The following TRAPPC3L variants were observed in gnomAD, a reference collection of about 807,000 sequenced individuals.
The protein encoded by TRAPPC3L is trafficking protein particle complex subunit 3-like protein.
TRAPPC3L carries 23 observed loss-of-function variants against 23.7 expected under a neutral mutation model. The ratio of observed to expected loss-of-function variants is 0.97; its 90% confidence interval spans 0.70 to 1.37. TRAPPC3L has a LOEUF of 1.37. TRAPPC3L is among the 40% of genes most tolerant of loss of function. The pLI, the probability that TRAPPC3L is intolerant of heterozygous loss-of-function variation, is 0.00. For missense variants in TRAPPC3L, 212 were observed against 216.8 expected, an observed-to-expected ratio of 0.98 and a Z score of 0.14; for synonymous variants, 81 against 77.9, an observed-to-expected ratio of 1.04 and a Z score of -0.21.
intron 3 of TRAPPC3L, among the ~76,000 whole-genome samples, chr6:116,529,729 G>T (rs1470586419): frequency 6.6e-6 from 1 of 152,094 alleles, no homozygotes; most frequent in Non-Finnish European, 1.5e-5. Context: ...TTTTTGAGAG[G>T]ACCATCAGCA....
At position 116,516,048 on chromosome 6, in the gene TRAPPC3L, A is replaced by G. The variant is rs1009651703; in HGVS notation, c.241-15382T>C. On this transcript the variant is annotated intron_variant, in intron 3 of 4. Coordinates refer to ENST00000368602, the MANE Select transcript of TRAPPC3L (RefSeq NM_001139444.3). ...GGCATGCTCATTCTGTGATCCTCCT[A>G]ACGTATCACCAGCAACCTGTGTGTC... 2.0e-6 allele frequency: 3 copies of G among 1,508,652 alleles called. No individual in the cohort carries two copies. In the African/African-American group the frequency reaches 4.2e-5, roughly 21 times the overall value. The allele number at this position is 1,508,652 out of a possible 1,614,324, so 93.5% of individuals were successfully genotyped here.
At chr6:116,508,919 A>G (rs1321608126) in intron 3 of TRAPPC3L, among the ~76,000 whole-genome samples, 2 of 152,080 alleles carry the variant, frequency 1.3e-5, no homozygotes, top group Non-Finnish European at 2.9e-5. Context: ...CAGGATAATC[A>G]TATATCTAGA....
At chr6:116,542,832 C>T (rs756987189) in intron 2 of TRAPPC3L, among the ~76,000 whole-genome samples, 1 of 152,018 alleles carries the variant, frequency 6.6e-6, no homozygotes, top group Non-Finnish European at 1.5e-5. Context: ...ATTCACAATT[C>T]CTATTTTCTC....
chr6:116,543,411 A>C lies in TRAPPC3L; in HGVS notation c.43-11T>G, dbSNP rs967308786. On this transcript the variant is annotated splice_polypyrimidine_tract_variant and intron_variant, in intron 1 of 4. Transcript: ENST00000368602. Reference sequence around the variant, plus strand: ...AAAGAGATCTTTATTCTGGAGAAAAAGGGGTAGTTTCTGGTTATAGGCAAG... The same window carrying C: ...AAAGAGATCTTTATTCTGGAGAAAACGGGGTAGTTTCTGGTTATAGGCAAG... The C allele has an allele frequency of 1.9e-6, 3 of 1,540,036 alleles. No homozygotes were observed. The highest frequency in any genetic ancestry group is 2.6e-6 in the Non-Finnish European group (3 of 1,139,588).
chr6:116,521,375 A>G (rs757359429), intron 3 of TRAPPC3L: 2 of 152,046 alleles, frequency 1.3e-5, no homozygotes, highest in Non-Finnish European at 2.9e-5. Context: ...GAACCAGGGG[A>G]GTTGATGGTA....
At chr6:116,525,432 A>G (rs530367245) in intron 3 of TRAPPC3L, among the ~76,000 whole-genome samples, 5 of 152,254 alleles carry the variant, frequency 3.3e-5, no homozygotes, top group Admixed American at 2.6e-4. Context: ...TTTTTTAAAA[A>G]TTTCCTTAGA....
chr6:116,498,647 C>T (rs967241930), intron 4 of TRAPPC3L, among the ~76,000 whole-genome samples: 2 of 152,174 alleles, frequency 1.3e-5, no homozygotes, highest in Non-Finnish European at 2.9e-5. Context: ...CCTCCACTTT[C>T]CCAAAGGAGC....
intron 3 of TRAPPC3L, among the ~76,000 whole-genome samples, chr6:116,509,091 TAAAAA>T (rs56112495): frequency 0.012 from 1,502 of 128,016 alleles, 8 homozygotes; most frequent in African/African-American, 0.014. Context: ...ATAAGAGTTG[TAAAAA>T]AAAAAAAAAA....
chr6:116,521,470 C>T (rs1027229579), intron 3 of TRAPPC3L: 1 of 151,530 alleles, frequency 6.6e-6, no homozygotes, highest in African/African-American at 2.4e-5. Flanking sequence ...GACCCAACTC[C>T]AGGAGACAGA....
chr6:116,505,433 G>T (rs1438354410), intron 3 of TRAPPC3L, among the ~76,000 whole-genome samples: 2 of 152,132 alleles, frequency 1.3e-5, no homozygotes, highest in East Asian at 1.9e-4. Context: ...CGTGAAAATG[G>T]CCATACTGCC....
At chr6:116,532,803 A>T (rs1434528442) in intron 3 of TRAPPC3L, among the ~76,000 whole-genome samples, 1 of 152,232 alleles carries the variant, frequency 6.6e-6, no homozygotes, top group African/African-American at 2.4e-5. Context: ...GCAGACTTAC[A>T]TTGCTCTGCT....
At chr6:116,515,945 G>C in intron 3 of TRAPPC3L, 1 of 1,612,218 alleles carries the variant, frequency 6.2e-7, no homozygotes, top group Non-Finnish European at 8.5e-7. Context: ...CCCTGAGGAT[G>C]ATGAGACGAC....
intron 4 of TRAPPC3L, among the ~76,000 whole-genome samples, chr6:116,498,287 C>T (rs1771862609): frequency 6.6e-6 from 1 of 152,152 alleles, no homozygotes; most frequent in Non-Finnish European, 1.5e-5. Context: ...TGCCCATAAA[C>T]ACTTATAATG....
intron 3 of TRAPPC3L, among the ~76,000 whole-genome samples, chr6:116,505,660 C>G (rs1173056951): frequency 1.3e-5 from 2 of 152,094 alleles, no homozygotes; most frequent in African/African-American, 4.8e-5. Flanking sequence ...GGTACTGGTA[C>G]CAAAACAGAT....
rs576554512 is a variant in TRAPPC3L, at chr6:116,502,144, G to A, written c.241-1478C>T. On this transcript the variant is annotated intron_variant, in intron 3 of 4. Coordinates refer to ENST00000368602, the MANE Select transcript of TRAPPC3L (RefSeq NM_001139444.3). ...AACCTTGAAAAAAGGTTAGACGAAT[G>A]GCTAACTAGAATAACCAGTGTAGAG... Among the ~76,000 whole-genome samples the A allele has an allele frequency of 1.7e-3, 257 of 152,270 alleles. 2 individuals carry two copies. Among genetic ancestry groups the A allele is most frequent in the Admixed American group, 3.7e-3 (56 of 15,296 alleles).
chr6:116,517,140 C>T lies in TRAPPC3L; in HGVS notation c.241-16474G>A, dbSNP rs542170992. ...ACTAATCCCATTCCTGGAGGCTCCACCTTCATGACCCAATTACTTCTCAAG... is the reference window on the plus strand; with the variant it reads ...ACTAATCCCATTCCTGGAGGCTCCATCTTCATGACCCAATTACTTCTCAAG... On this transcript the variant is annotated intron_variant, in intron 3 of 4. Transcript: ENST00000368602. 3.3e-5 allele frequency: 5 copies of T among 152,206 alleles called. No homozygotes were observed. The East Asian group carries it at 9.7e-4, about 29-fold the overall frequency. 9.4% of individuals were successfully genotyped at this position (152,206 alleles called of 1,614,324 possible). A position where few individuals can be genotyped will look rare whatever the true frequency, so the allele number is the denominator to read the frequency against.
intron 3 of TRAPPC3L, among the ~76,000 whole-genome samples, chr6:116,501,730 CAG>C (rs1315878634): frequency 1.3e-5 from 2 of 152,290 alleles, no homozygotes; most frequent in East Asian, 3.9e-4. Context: ...CCCAGGCAAA[CAG>C]AGTCTGGAGT....
At chr6:116,504,287 T>C (rs1771968287) in intron 3 of TRAPPC3L, among the ~76,000 whole-genome samples, 1 of 151,986 alleles carries the variant, frequency 6.6e-6, no homozygotes, top group Admixed American at 6.6e-5. Context: ...CTAGAAGAAA[T>C]GGATAAATTC....
At chr6:116,497,232 A>G in intron 4 of TRAPPC3L, 159 bp from the exon 5 acceptor site, 1 of 873,740 alleles carries the variant, frequency 1.1e-6, no homozygotes, top group Non-Finnish European at 1.7e-6. Flanking sequence ...TCCTCCGGAG[A>G]TGGTCCAGCT....
Sources: gnomAD v4.1 joint callset for allele counts (sites outside exome capture counted in the v4.1 genomes callset) on GRCh38, gnomAD v4.1.1 for gene constraint, MANE v1.5 for transcripts, NCBI Gene and HGNC (gene_info 2026-07-23, HGNC 2026-07-21) for gene names.